Variants in SRGAP1 observed in about 807,000 individuals in gnomAD.
SRGAP1 encodes the protein SLIT-ROBO Rho GTPase-activating protein 1.
A neutral mutation model predicts 121.9 loss-of-function variants in SRGAP1; 43 were observed. The observed-to-expected ratio is 0.35, with a 90% CI of 0.28 to 0.46. SRGAP1 has a LOEUF of 0.46. Among genes scored for constraint, SRGAP1 ranks in the 20% least tolerant of loss-of-function variants. The pLI is 1.00. For synonymous variants in SRGAP1, 447 were observed against 485.4 expected (o/e 0.92, Z 1.04); for missense variants, 1,102 against 1,350.9 (o/e 0.82, Z 2.89).
rs755722047 is a variant in SRGAP1, at chr12:64,091,325, C to T, written c.1486C>T (p.Arg496Cys). The T allele has an allele frequency of 8.1e-6, 13 of 1,611,398 alleles. No individual in the cohort carries two copies. The highest frequency in any genetic ancestry group is 6.7e-5 in the East Asian group (3 of 44,834). The part of the protein sequence containing the change: ...KPQKHRKSRP[R>C]SQYNTKLFNG... Reference sequence around the variant, plus strand: ...CCAGAAACACAGGAAGTCCAGGCCCCGCTCACAGTATAATACTAAGTTGTT... The same window carrying T: ...CCAGAAACACAGGAAGTCCAGGCCCTGCTCACAGTATAATACTAAGTTGTT... The change falls in exon 12 of 22, where the codon CGC (arginine) becomes TGC (cysteine). Residue 496 changes from arginine (R) to cysteine (C), a missense_variant. Physicochemically the swap from Arg to Cys is radical, Grantham distance 180. Around this residue, in one of 3 missense-constraint regions of SRGAP1, gnomAD observed 747 missense variants for 929.4 expected, o/e 0.80. Transcript: ENST00000355086.
intron 1 of SRGAP1, among the ~76,000 whole-genome samples, chr12:63,880,865 A>G (rs1036940638): frequency 6.6e-6 from 1 of 152,110 alleles, no homozygotes; most frequent in Non-Finnish European, 1.5e-5. Flanking sequence ...TACCTCGAAA[A>G]TGTACTGATG....
intron 4 of SRGAP1, among the ~76,000 whole-genome samples, chr12:64,019,311 A>G (rs1008218582): frequency 9.9e-5 from 15 of 152,170 alleles, no homozygotes; most frequent in Admixed American, 1.3e-4. Context: ...ACTCTTATCA[A>G]TATCAGCCTG....
At chr12:63,898,657 T>A (rs1900831957) in intron 1 of SRGAP1, among the ~76,000 whole-genome samples, 1 of 152,226 alleles carries the variant, frequency 6.6e-6, no homozygotes, top group Admixed American at 6.5e-5. Flanking sequence ...CTGGAATCAT[T>A]TGAAATGATA....
chr12:63,966,797 A>G (rs2032802027), intron 1 of SRGAP1, among the ~76,000 whole-genome samples: 2 of 152,180 alleles, frequency 1.3e-5, no homozygotes, highest in Admixed American at 6.6e-5. Flanking sequence ...TCTGGAGGAA[A>G]TGGGTAAGTA....
chr12:63,871,418 C>T (rs1899850263), intron 1 of SRGAP1, among the ~76,000 whole-genome samples: 1 of 152,158 alleles, frequency 6.6e-6, no homozygotes, highest in South Asian at 2.1e-4. Flanking sequence ...GGTTCAATTT[C>T]CCTGCAAATC....
chr12:63,862,258 T>C (rs954044268), intron 1 of SRGAP1, among the ~76,000 whole-genome samples: 1 of 152,218 alleles, frequency 6.6e-6, no homozygotes, highest in Admixed American at 6.5e-5. Context: ...AAATTATCCC[T>C]TGTGATTCTT....
chr12:63,932,904 C>T (rs1245426312), intron 1 of SRGAP1, among the ~76,000 whole-genome samples: 5 of 152,288 alleles, frequency 3.3e-5, no homozygotes, highest in South Asian at 2.1e-4. Flanking sequence ...AAGAACCATA[C>T]GTAGGCCAGG....
At chr12:63,863,328 A>C (rs1899520534) in intron 1 of SRGAP1, among the ~76,000 whole-genome samples, 1 of 146,222 alleles carries the variant, frequency 6.8e-6, no homozygotes, top group Non-Finnish European at 1.5e-5. Context: ...GCTGGAGTGC[A>C]GTGGCATGAT....
At chr12:64,129,092 C>T (rs2036744307) in intron 21 of SRGAP1, among the ~76,000 whole-genome samples, 1 of 149,612 alleles carries the variant, frequency 6.7e-6, no homozygotes, top group Non-Finnish European at 1.5e-5. Context: ...AGCAAAATCC[C>T]GTGTCTAAAA....
intron 1 of SRGAP1, among the ~76,000 whole-genome samples, chr12:63,932,850 G>T (rs772618278): frequency 6.6e-6 from 1 of 152,124 alleles, no homozygotes; most frequent in African/African-American, 2.4e-5. Flanking sequence ...GGTTGAAGTG[G>T]AAAATCACTC....
chr12:63,949,861 A>G (rs1336657356), intron 1 of SRGAP1, among the ~76,000 whole-genome samples: 1 of 152,210 alleles, frequency 6.6e-6, no homozygotes, highest in Non-Finnish European at 1.5e-5. Flanking sequence ...TTGGAGGAAA[A>G]AATAAGAAAG....
chr12:63,927,243 T>A (rs1185370529), intron 1 of SRGAP1, among the ~76,000 whole-genome samples: 1 of 152,210 alleles, frequency 6.6e-6, no homozygotes, highest in Non-Finnish European at 1.5e-5. Flanking sequence ...GTTCTAGAAC[T>A]TGCGCTTTGT....
intron 6 of SRGAP1, among the ~76,000 whole-genome samples, chr12:64,056,549 CAAA>C (rs1273579087): frequency 3.3e-4 from 20 of 60,050 alleles, no homozygotes; most frequent in African/African-American, 9.7e-4. Flanking sequence ...TGAGACTCCA[CAAA>C]AAAAAAAAAA....
intron 4 of SRGAP1, among the ~76,000 whole-genome samples, chr12:64,029,449 G>C (rs1043299902): frequency 6.6e-6 from 1 of 152,170 alleles, no homozygotes; most frequent in African/African-American, 2.4e-5. Context: ...AGCTAGACTG[G>C]TGAGATATGT....
At chr12:63,909,314 A>G (rs1033463119) in intron 1 of SRGAP1, among the ~76,000 whole-genome samples, 8 of 152,248 alleles carry the variant, frequency 5.3e-5, no homozygotes, top group African/African-American at 1.9e-4. Context: ...CCAGGATTTT[A>G]TGATCTTTCT....
chr12:63,976,620 G>A (rs1391349134), intron 1 of SRGAP1, among the ~76,000 whole-genome samples: 8 of 152,148 alleles, frequency 5.3e-5, no homozygotes, highest in African/African-American at 1.9e-4. Context: ...ATGAAAGCTC[G>A]CTGGTGCTAG....
chr12:63,852,434 G>C (rs1388999832), intron 1 of SRGAP1, among the ~76,000 whole-genome samples: 1 of 152,182 alleles, frequency 6.6e-6, no homozygotes, highest in African/African-American at 2.4e-5. Flanking sequence ...AGTGCCATGT[G>C]CTTTTAGAGT....
chr12:63,971,431 A>AT (rs770879348), intron 1 of SRGAP1, among the ~76,000 whole-genome samples: 2 of 152,196 alleles, frequency 1.3e-5, no homozygotes, highest in Non-Finnish European at 2.9e-5. Flanking sequence ...AAGCATTTTT[A>AT]AATTTACTTG....
rs2036603472 is a variant in SRGAP1, at chr12:64,121,365, C to T, written c.2225-4612C>T. On this transcript the variant is annotated intron_variant, in intron 18 of 21. Transcript: ENST00000355086. ...CATTTTCTGAACTTAATTTACAAGA[C>T]ATCCTTTAAAGTGAGAGCTTCTATT... Among the ~76,000 whole-genome samples the T allele has an allele frequency of 4.6e-5, 7 of 152,266 alleles. No homozygotes were observed. In the South Asian group the frequency reaches 1.4e-3, roughly 32 times the overall value.
Sources: gnomAD v4.1 joint callset for allele counts (sites outside exome capture counted in the v4.1 genomes callset) on GRCh38, gnomAD v4.1.1 for gene constraint, gnomAD v4.1.1 regional missense constraint, MANE v1.5 for transcripts, NCBI Gene and HGNC (gene_info 2026-07-23, HGNC 2026-07-21) for gene names.